The following DCLK1 variants were observed in gnomAD, a reference collection of about 807,000 sequenced individuals.
DCLK1 encodes the protein serine/threonine-protein kinase DCLK1.
A neutral mutation model predicts 86.2 loss-of-function variants in DCLK1; 16 were observed. That is an observed-to-expected ratio of 0.19 (90% confidence interval 0.13 to 0.28). DCLK1 has a LOEUF of 0.28. DCLK1 is among the 10% of genes least tolerant of loss of function. The pLI, the probability that DCLK1 is intolerant of heterozygous loss-of-function variation, is 1.00. For missense variants in DCLK1, 590 were observed against 940.2 expected, an observed-to-expected ratio of 0.63 and a Z score of 4.87; for synonymous variants, 369 against 370.5, an observed-to-expected ratio of 1.00 and a Z score of 0.05.
intron 11 of DCLK1, among the ~76,000 whole-genome samples, chr13:35,820,067 G>C (rs1171156890): frequency 6.6e-6 from 1 of 152,122 alleles, no homozygotes; most frequent in Admixed American, 6.6e-5. Context: ...CTTCTGTGAT[G>C]GTTCTCTTAT....
At chr13:36,087,657 G>T (rs1884660516) in intron 3 of DCLK1, among the ~76,000 whole-genome samples, 1 of 152,108 alleles carries the variant, frequency 6.6e-6, no homozygotes, top group Non-Finnish European at 1.5e-5. Flanking sequence ...ATGCTCTGAG[G>T]ATATCCATAC....
At chr13:36,128,277 T>C (rs965055185) in intron 1 of DCLK1, among the ~76,000 whole-genome samples, 1 of 152,222 alleles carries the variant, frequency 6.6e-6, no homozygotes, top group Non-Finnish European at 1.5e-5. Context: ...AAACCTCATA[T>C]TAATCCAACA....
In DCLK1 at chr13:35,839,135, G is replaced by T. The variant is rs149194472; in HGVS notation, c.1077C>A (p.Thr359=). ...HGGSSTSLAS[T]KVCSSMDEND... is the part of the protein sequence containing the mutation. ...TCTCATCCATCGAGCTGCAGACTTT[G>T]GTGGACGCAAGTGACGTAGAGGAGC... Residue 359 remains threonine (T), a synonymous_variant, in exon 7 of 17, where the codon ACC becomes ACA. Coordinates refer to ENST00000360631, the MANE Select transcript of DCLK1 (RefSeq NM_001330071.2). The T allele has an allele frequency of 2.5e-6, 4 of 1,597,246 alleles. No homozygotes were observed. The African/African-American group carries it at 5.4e-5, about 21-fold the overall frequency.
At chr13:36,091,995 C>T (rs767394519) in intron 3 of DCLK1, among the ~76,000 whole-genome samples, 4 of 152,190 alleles carry the variant, frequency 2.6e-5, no homozygotes, top group Non-Finnish European at 5.9e-5. Context: ...AATGTCCTCT[C>T]ATCATCTTTT....
intron 4 of DCLK1, among the ~76,000 whole-genome samples, chr13:35,914,578 A>G (rs1433654587): frequency 6.7e-6 from 1 of 149,106 alleles, no homozygotes; most frequent in Non-Finnish European, 1.5e-5. Flanking sequence ...TTAGCCAGGT[A>G]TGGTGGCACA....
chr13:35,926,993 G>A (rs1422788918), intron 4 of DCLK1, among the ~76,000 whole-genome samples: 1 of 152,184 alleles, frequency 6.6e-6, no homozygotes, highest in African/African-American at 2.4e-5. Flanking sequence ...AGCAGCTTTT[G>A]GAAGTCAGAT....
intron 3 of DCLK1, among the ~76,000 whole-genome samples, chr13:35,993,192 C>T (rs1880313574): frequency 6.6e-6 from 1 of 152,212 alleles, no homozygotes; most frequent in South Asian, 2.1e-4. Context: ...GACCTACTCT[C>T]CTTTCAAGAC....
chr13:36,060,812 A>T (rs1883514747), intron 3 of DCLK1, among the ~76,000 whole-genome samples: 1 of 152,298 alleles, frequency 6.6e-6, no homozygotes, highest in South Asian at 2.1e-4. Context: ...GCCATAACTC[A>T]GACAACCAAG....
At chr13:36,106,063 T>C (rs1256414466) in intron 3 of DCLK1, among the ~76,000 whole-genome samples, 5 of 152,202 alleles carry the variant, frequency 3.3e-5, no homozygotes, top group Non-Finnish European at 7.3e-5. Context: ...AGTGGAACAC[T>C]AAGAGAACTT....
intron 3 of DCLK1, among the ~76,000 whole-genome samples, chr13:35,953,842 G>A (rs776168803): frequency 2.0e-5 from 3 of 152,134 alleles, no homozygotes; most frequent in Non-Finnish European, 2.9e-5. Context: ...TTACAAGAGC[G>A]CCCTCTTCAA....
intron 3 of DCLK1, among the ~76,000 whole-genome samples, chr13:36,085,183 C>G (rs1376073594): frequency 6.6e-6 from 1 of 152,040 alleles, no homozygotes; most frequent in Non-Finnish European, 1.5e-5. Flanking sequence ...AAACAAATGC[C>G]TATATGCTCT....
At chr13:35,866,743 G>C (rs1871822532) in intron 5 of DCLK1, among the ~76,000 whole-genome samples, 1 of 152,064 alleles carries the variant, frequency 6.6e-6, no homozygotes, top group Non-Finnish European at 1.5e-5. Flanking sequence ...TCAGGTGGTA[G>C]TTGGGTTTGG....
At chr13:35,864,761 T>C (rs1871668919) in intron 5 of DCLK1, among the ~76,000 whole-genome samples, 2 of 151,100 alleles carry the variant, frequency 1.3e-5, no homozygotes, top group African/African-American at 4.9e-5. Flanking sequence ...CAAGACTTCA[T>C]GTCACCTCAG....
chr13:36,036,599 A>G (rs1187357587), intron 3 of DCLK1, among the ~76,000 whole-genome samples: 2 of 152,224 alleles, frequency 1.3e-5, no homozygotes, highest in Non-Finnish European at 2.9e-5. Flanking sequence ...CCAAAAGGAT[A>G]TATGTGTGTG....
intron 4 of DCLK1, among the ~76,000 whole-genome samples, chr13:35,875,753 T>A (rs1415975544): frequency 6.6e-6 from 1 of 152,212 alleles, no homozygotes; most frequent in Admixed American, 6.5e-5. Context: ...AACTAGTCCC[T>A]GCCATATTAA....
At chr13:35,864,899 G>A (rs999025264) in intron 5 of DCLK1, among the ~76,000 whole-genome samples, 1 of 152,020 alleles carries the variant, frequency 6.6e-6, no homozygotes, top group African/African-American at 2.4e-5. Context: ...CAGTCCTCCT[G>A]CCTAGGCCTC....
intron 6 of DCLK1, among the ~76,000 whole-genome samples, chr13:35,853,826 C>T (rs1305262800): frequency 6.6e-6 from 1 of 151,996 alleles, no homozygotes; most frequent in Non-Finnish European, 1.5e-5. Flanking sequence ...TTATTTTTGC[C>T]TTGGTATTAC....
At chr13:36,112,253 A>C in intron 2 of DCLK1, 38 bp from the exon 3 acceptor site, 1 of 1,427,512 alleles carries the variant, frequency 7.0e-7, no homozygotes, top group Non-Finnish European at 9.3e-7. Context: ...TTATACTAAA[A>C]TATGCCCATT....
intron 3 of DCLK1, among the ~76,000 whole-genome samples, chr13:36,083,742 C>A (rs1422836054): frequency 2.0e-5 from 3 of 152,110 alleles, no homozygotes; most frequent in African/African-American, 4.8e-5. Context: ...ATGGAAGACC[C>A]ACTTTGTGAC....
Sources: allele counts gnomAD v4.1 joint callset (sites outside exome capture counted in the v4.1 genomes callset), GRCh38; gene constraint gnomAD v4.1.1; transcripts MANE v1.5; gene names NCBI Gene and HGNC (gene_info 2026-07-23, HGNC 2026-07-21).